The following FCRL1 variants were observed in gnomAD, a reference collection of about 807,000 sequenced individuals.
FCRL1 encodes Fc receptor-like protein 1.
Under a neutral mutation model 49.2 loss-of-function variants are expected in FCRL1, and 34 were observed. The observed-to-expected ratio is 0.69, with a 90% CI of 0.53 to 0.92. FCRL1 has a LOEUF of 0.92. Ranked by LOEUF, FCRL1 falls within the 40% of genes least tolerant of loss-of-function variation. FCRL1 has a pLI of 0.00. For synonymous variants in FCRL1, 218 were observed against 201.6 expected, an observed-to-expected ratio of 1.08 and a Z score of -0.69; for missense variants, 524 against 524.1, an observed-to-expected ratio of 1.00 and a Z score of 0.00.
rs376564519 is a variant in FCRL1, at chr1:157,797,119, C to A, written c.1200G>T (p.Gly400=). 8.1e-6 allele frequency: 13 copies of A among 1,613,868 alleles called. No homozygotes were observed. Among genetic ancestry groups the A allele is most frequent in the Non-Finnish European group, 8.5e-6 (10 of 1,179,786 alleles). The stretch of plus-strand genomic sequence containing the variant: ...CTCTTACCTTGTCCTCCATATGTGT[C>A]CCCAGGGTTTCTGCTGTGGAGAAAA... The part of the protein sequence containing the change: ...EQESVAAETL[G]THMEDKVSLD... The change falls in exon 10 of 11, where the codon GGG becomes GGT. Residue 400 remains glycine, a synonymous_variant. Transcript: ENST00000368176.
intron 1 of FCRL1, among the ~76,000 whole-genome samples, chr1:157,808,432 A>G (rs1304658601): frequency 6.6e-6 from 1 of 152,188 alleles, no homozygotes; most frequent in Non-Finnish European, 1.5e-5. Flanking sequence ...GGGAAAGAGC[A>G]TCCCTGGCAG....
chr1:157,809,876 A>T (rs1180514772), intron 1 of FCRL1, among the ~76,000 whole-genome samples: 1 of 152,200 alleles, frequency 6.6e-6, no homozygotes, highest in Non-Finnish European at 1.5e-5. Context: ...ATGAGCCATG[A>T]CCATACCACT....
At chr1:157,803,238 G>A (rs1187619524) in intron 3 of FCRL1, among the ~76,000 whole-genome samples, 2 of 152,230 alleles carry the variant, frequency 1.3e-5, no homozygotes, top group Non-Finnish European at 2.9e-5. Context: ...TTTTTAGCAA[G>A]CGTGGGAGAG....
intron 7 of FCRL1, 46 bp downstream of exon 7, chr1:157,800,012 T>C (rs372183232): frequency 1.1e-4 from 176 of 1,558,850 alleles, no homozygotes; most frequent in Non-Finnish European, 1.1e-4. Context: ...ATTTTTAAAA[T>C]AGATTTTTCT....
intron 9 of FCRL1, 61 bp downstream of exon 9, chr1:157,797,807 T>G: frequency 6.2e-7 from 1 of 1,613,508 alleles, no homozygotes; most frequent in Non-Finnish European, 8.5e-7. Context: ...CAGCCACTGA[T>G]TGTTCTCTTG....
At chr1:157,800,629 A>G (rs11800258) in intron 6 of FCRL1, among the ~76,000 whole-genome samples, 3 of 152,182 alleles carry the variant, frequency 2.0e-5, no homozygotes, top group African/African-American at 7.2e-5. Context: ...GGAACTCATA[A>G]TAGGAGAGAA....
intron 1 of FCRL1, among the ~76,000 whole-genome samples, chr1:157,809,954 T>G (rs975104925): frequency 6.6e-6 from 1 of 151,618 alleles, no homozygotes; most frequent in Non-Finnish European, 1.5e-5. Context: ...GCAAAGAAAC[T>G]GAAAAGTAGC....
chr1:157,796,674 T>C (rs1455643401), intron 10 of FCRL1, among the ~76,000 whole-genome samples: 6 of 152,250 alleles, frequency 3.9e-5, no homozygotes, highest in African/African-American at 1.4e-4. Flanking sequence ...ATTCAAAGTT[T>C]ACCAAATGCT....
intron 1 of FCRL1, among the ~76,000 whole-genome samples, chr1:157,811,882 GA>G (rs1654364397): frequency 6.6e-6 from 1 of 152,128 alleles, no homozygotes; most frequent in African/African-American, 2.4e-5. Flanking sequence ...CAACCCCAGG[GA>G]CTCAAAACCT....
intron 1 of FCRL1, among the ~76,000 whole-genome samples, chr1:157,813,535 A>G (rs1654626105): frequency 1.3e-5 from 2 of 152,212 alleles, no homozygotes; most frequent in South Asian, 4.1e-4. Flanking sequence ...TTTTGAAATA[A>G]CCCAGTTAGC....
In FCRL1 at chr1:157,794,617, G is replaced by A. The variant is rs1170996410; in HGVS notation, c.*1482C>T. The A allele has an allele frequency of 6.6e-6, 1 of 152,084 alleles. No homozygotes were observed. The highest frequency in any genetic ancestry group is 1.5e-5 in the Non-Finnish European group (1 of 68,016). The allele number at this position is 152,084 out of a possible 1,614,324, so 9.4% of individuals were successfully genotyped here. On this transcript the variant is annotated 3_prime_UTR_variant, in exon 11 of 11. Transcript: ENST00000368176. Reference sequence around the variant, plus strand: ...TTATCCTTCAGATAATCCAGCAGGAGTGCCATAATATGCTAGTACAAAGAC... The same window carrying A: ...TTATCCTTCAGATAATCCAGCAGGAATGCCATAATATGCTAGTACAAAGAC...
At chr1:157,810,762 A>G (rs75440462) in intron 1 of FCRL1, among the ~76,000 whole-genome samples, 2,403 of 152,240 alleles carry the variant, frequency 0.016, 54 homozygotes, top group African/African-American at 0.055. Flanking sequence ...AAGTGAAGCA[A>G]AGACAGCAAT....
chr1:157,804,791 A>C (rs1345898975), intron 2 of FCRL1, among the ~76,000 whole-genome samples: 1 of 152,100 alleles, frequency 6.6e-6, no homozygotes, highest in Non-Finnish European at 1.5e-5. Context: ...CTAAAGAGCT[A>C]ATTTAATTCA....
In FCRL1 at chr1:157,804,052, A is replaced by G; in HGVS notation, c.112T>C (p.Cys38Arg). 1.2e-6 allele frequency: 2 copies of G among 1,614,164 alleles called. No homozygotes were observed. The highest frequency in any genetic ancestry group is 1.7e-6 in the Non-Finnish European group (2 of 1,180,020). The change falls in exon 3 of 11, where the codon TGT (cysteine) becomes CGT (arginine). Residue 38 changes from cysteine to arginine, a missense_variant. Physicochemically the swap from Cys to Arg is radical, Grantham distance 180. Coordinates refer to ENST00000368176, the MANE Select transcript of FCRL1 (RefSeq NM_052938.5). ...PTEGSPVTLTCKMPFLQSSDA... is the reference protein window; with the variant it reads ...PTEGSPVTLTRKMPFLQSSDA... ...GAACTCTGTAGAAAGGGCATCTTAC[A>G]CGTCAGGGTCACTGGGCTCCCCTCT...
In FCRL1 at chr1:157,801,939, C is replaced by T; in HGVS notation, c.862G>A (p.Glu288Lys). The change falls in exon 5 of 11, where the codon GAG becomes AAG. Residue 288 changes from glutamate to lysine, a missense_variant. Glu to Lys is a moderately conservative substitution (Grantham distance 56). Transcript: ENST00000368176. ...ANNGLGAQRS[E>K]AVTLNFTVPT... is the part of the protein sequence containing the mutation. ...CCTGTGAAGTTGAGTGTCACCGCCT[C>T]ACTGCGCTGGGCCCCCAGGCCATTG... 1 of 1,613,958 alleles carries T rather than the reference C, an allele frequency of 6.2e-7. No homozygotes were observed. Among genetic ancestry groups the T allele is most frequent in the East Asian group, 2.2e-5 (1 of 44,884 alleles).
chr1:157,802,814 A>T, intron 3 of FCRL1, 150 bp from the exon 4 acceptor site: 3 of 736,044 alleles, frequency 4.1e-6, no homozygotes, highest in East Asian at 2.7e-5. Flanking sequence ...GGGTCTGCTG[A>T]TTGGTTGGGT....
At position 157,796,101 on chromosome 1, in the gene FCRL1, A is replaced by G; in HGVS notation, c.1288T>C (p.Ter430GlnextTer19). ...ITDVDYEDAM[*>Q] is the part of the protein sequence containing the mutation. The stretch of plus-strand genomic sequence containing the variant: ...AAAGAGCAGAATCTTCCATAACCTT[A>G]CATAGCATCTTCATAGTCCACATCT... The change falls in exon 11 of 11, where the codon TAA becomes CAA. Residue 430 changes from the stop codon to glutamine, a stop_lost. Coordinates refer to ENST00000368176, the MANE Select transcript of FCRL1 (RefSeq NM_052938.5). 1 of 1,613,524 alleles carries G rather than the reference A, an allele frequency of 6.2e-7. No individual in the cohort carries two copies. The highest frequency in any genetic ancestry group is 8.5e-7 in the Non-Finnish European group (1 of 1,179,456).
At chr1:157,819,869 C>T in intron 1 of FCRL1, 138 bp downstream of exon 1, 1 of 966,480 alleles carries the variant, frequency 1.0e-6, no homozygotes. Flanking sequence ...ACTCTGAGCC[C>T]TCCGTGGAAG....
At chr1:157,804,243 T>G in intron 2 of FCRL1, 132 bp from the exon 3 acceptor site, 13 of 1,000,212 alleles carry the variant, frequency 1.3e-5, no homozygotes, top group Non-Finnish European at 1.5e-5. Context: ...CCTACATGTC[T>G]CCACCCCCCC....
Sources: gnomAD v4.1 joint callset for allele counts (sites outside exome capture counted in the v4.1 genomes callset) on GRCh38, gnomAD v4.1.1 for gene constraint, MANE v1.5 for transcripts, NCBI Gene and HGNC (gene_info 2026-07-23, HGNC 2026-07-21) for gene names.